Variants in ACO1 observed in about 807,000 individuals in gnomAD.
The protein encoded by ACO1 is aconitase 1.
ACO1 carries 78 observed loss-of-function variants against 105.1 expected under a neutral mutation model. That is an observed-to-expected ratio of 0.74 (90% CI 0.62 to 0.90). The LOEUF is 0.90. Ranked by LOEUF, ACO1 falls within the 40% of genes least tolerant of loss-of-function variation. The pLI, the probability that ACO1 is intolerant of heterozygous loss-of-function variation, is 0.00. For missense variants in ACO1, 965 were observed against 1,111.1 expected, an observed-to-expected ratio of 0.87 and a Z score of 1.87; for synonymous variants, 364 against 397.4, an observed-to-expected ratio of 0.92 and a Z score of 1.00.
chr9:32,388,807 C>T (rs1327100510), intron 1 of ACO1, among the ~76,000 whole-genome samples: 1 of 152,112 alleles, frequency 6.6e-6, no homozygotes, highest in Non-Finnish European at 1.5e-5. Context: ...GGAGGATAGC[C>T]TGTAGCATTC....
chr9:32,415,934 A>G (rs550205484), intron 4 of ACO1, among the ~76,000 whole-genome samples: 40 of 152,118 alleles, frequency 2.6e-4, no homozygotes, highest in African/African-American at 9.4e-4. Flanking sequence ...GGCCAAGCAT[A>G]TATGGGCATT....
intron 17 of ACO1, among the ~76,000 whole-genome samples, chr9:32,435,781 T>A (rs543277116): frequency 6.6e-6 from 1 of 152,352 alleles, no homozygotes; most frequent in East Asian, 1.9e-4. Context: ...TTCCTGATAA[T>A]TCAGGGACAA....
At chr9:32,449,108 C>A in intron 20 of ACO1, 27 bp downstream of exon 20, 1 of 1,561,868 alleles carries the variant, frequency 6.4e-7, no homozygotes, top group South Asian at 1.2e-5. Context: ...CTATGCCAGG[C>A]CCTGTCGAAA....
In ACO1 at chr9:32,390,188, A is replaced by T. The variant is rs184324014; in HGVS notation, c.-23+5453A>T. Among the ~76,000 whole-genome samples, 382 of 152,320 alleles carry T rather than the reference A, an allele frequency of 2.5e-3. 3 individuals are homozygous for T. Among genetic ancestry groups the T allele is most frequent in the African/African-American group, 8.7e-3 (363 of 41,576 alleles). ...GCAGCTGTATAAATTAACGAGAATC[A>T]CTTATTAGGTCTTTTAGGAATAAGC... On this transcript the variant is annotated intron_variant, in intron 1 of 20. Coordinates refer to ENST00000309951, the MANE Select transcript of ACO1 (RefSeq NM_002197.3).
intron 17 of ACO1, among the ~76,000 whole-genome samples, chr9:32,435,842 T>C (rs923455024): frequency 2.6e-5 from 4 of 152,176 alleles, no homozygotes; most frequent in Admixed American, 6.5e-5. Flanking sequence ...TGTTTCCCCC[T>C]GTTTGTGGCT....
At chr9:32,399,972 T>TTTTTTTTTTTTTTTTTTTTTTGTTTTTTG (rs1821458138) in intron 1 of ACO1, among the ~76,000 whole-genome samples, 1 of 125,082 alleles carries the variant, frequency 8.0e-6, no homozygotes, top group African/African-American at 3.2e-5. Context: ...TTCTGTTTTT[T>TTTTTTTTTTTTTTTTTTTTTTGTTTTTTG]TTTTTTTTTT....
chr9:32,399,973 T>G lies in ACO1; in HGVS notation c.-22-5512T>G, dbSNP rs191789085. ...TTATTTTTTTCTTTTTCTGTTTTTT[T>G]TTTTTTTTTTTTTTTGCGATGGAGT... On this transcript the variant is annotated intron_variant, in intron 1 of 20. Coordinates refer to ENST00000309951, the MANE Select transcript of ACO1 (RefSeq NM_002197.3). Among the ~76,000 whole-genome samples, 65 of 93,630 alleles carry G rather than the reference T, an allele frequency of 6.9e-4. 1 individual carries two copies. The highest frequency in any genetic ancestry group is 1.6e-3 in the African/African-American group (49 of 30,992). The allele number at this position is 93,630 out of a possible 152,430, so 61.4% of individuals were successfully genotyped here. A position where few individuals can be genotyped will look rare whatever the true frequency, so the allele number is the denominator to read the frequency against.
rs775128282 is a variant in ACO1, at chr9:32,448,969, C to T, written c.2444C>T (p.Pro815Leu). The T allele has an allele frequency of 4.3e-6, 7 of 1,614,098 alleles. No individual in the cohort carries two copies. In the East Asian group the frequency reaches 8.9e-5, roughly 21 times the overall value. The change falls in exon 20 of 21, where the codon CCA (proline) becomes CTA (leucine). Residue 815 changes from proline (P) to leucine (L), a missense_variant. Transcript: ENST00000309951. ...RSNLVGMGVIPLEYLPGENAD... is the reference protein window; with the variant it reads ...RSNLVGMGVILLEYLPGENAD... The stretch of plus-strand genomic sequence containing the variant: ...AACCTGGTTGGGATGGGTGTGATCC[C>T]ACTTGAATATCTCCCTGGTGAGAAT...
At position 32,420,910 on chromosome 9, in the gene ACO1, G is replaced by GT; in HGVS notation, c.854dup (p.Ala286SerfsTer7). ...ATTTGTCGAGTTCTTCGGGCCTGGA[G>GT]TAGCCCAGTTGTCCATTGCTGACCG... On this transcript the variant is annotated frameshift_variant, in exon 8 of 21. Coordinates refer to ENST00000309951, the MANE Select transcript of ACO1 (RefSeq NM_002197.3). LOFTEE classifies it high-confidence loss of function. 1 of 1,614,046 alleles carries GT rather than the reference G, an allele frequency of 6.2e-7. No individual in the cohort carries two copies. Among genetic ancestry groups the GT allele is most frequent in the Non-Finnish European group, 8.5e-7 (1 of 1,179,920 alleles).
chr9:32,433,221 G>A (rs1446969422), intron 15 of ACO1, among the ~76,000 whole-genome samples: 3 of 151,986 alleles, frequency 2.0e-5, no homozygotes, highest in Admixed American at 6.6e-5. Context: ...TGCCTATCAC[G>A]GTGCATATGT....
intron 4 of ACO1, among the ~76,000 whole-genome samples, chr9:32,415,890 C>A (rs983024437): frequency 1.3e-5 from 2 of 152,094 alleles, no homozygotes; most frequent in African/African-American, 4.8e-5. Flanking sequence ...AACACCCCAG[C>A]CTTTAAAAAT....
intron 1 of ACO1, among the ~76,000 whole-genome samples, 200 bp downstream of exon 1, chr9:32,384,935 A>G (rs375078450): frequency 3.2e-4 from 48 of 152,298 alleles, no homozygotes; most frequent in African/African-American, 1.0e-3. Context: ...TCCCCAGTCT[A>G]TGTCATGCCG....
intron 19 of ACO1, among the ~76,000 whole-genome samples, chr9:32,441,916 A>G (rs1281549821): frequency 6.6e-6 from 1 of 152,220 alleles, no homozygotes; most frequent in Non-Finnish European, 1.5e-5. Context: ...GAAGCAAAGC[A>G]GCATGGCCTT....
At position 32,440,448 on chromosome 9, in the gene ACO1, C is replaced by A; in HGVS notation, c.2248-17C>A. ...TGCCTCTCCTGCATCTGTAAAACTT[C>A]CTTTTCTCTTCCTCAGCTTGATGTG... On this transcript the variant is annotated splice_polypyrimidine_tract_variant and intron_variant, in intron 18 of 20. Transcript: ENST00000309951. 6.2e-7 allele frequency: 1 copy of A among 1,613,364 alleles called. No individual in the cohort carries two copies. The highest frequency in any genetic ancestry group is 8.5e-7 in the Non-Finnish European group (1 of 1,179,548).
chr9:32,443,235 G>A (rs1822521556), intron 19 of ACO1, among the ~76,000 whole-genome samples: 1 of 152,006 alleles, frequency 6.6e-6, no homozygotes, highest in Non-Finnish European at 1.5e-5. Flanking sequence ...CATCCTAGAT[G>A]TATTCAAGAT....
Position 32,423,317 on chromosome 9 carries a change from AG to A in ACO1, c.971del, listed in dbSNP as rs773749381. 6.4e-7 allele frequency: 1 copy of A among 1,567,178 alleles called. No individual in the cohort carries two copies. Reference sequence around the variant, plus strand: ...CTTGTTACTCCTTAAAATGCCTTTTAGGTCGTGATGAAGAAAAATTAAAGTA... The same window carrying A: ...CTTGTTACTCCTTAAAATGCCTTTTAGTCGTGATGAAGAAAAATTAAAGTA... On this transcript the variant is annotated splice_acceptor_variant, in intron 8 of 20. Transcript: ENST00000309951. LOFTEE classifies it high-confidence loss of function.
chr9:32,411,767 A>C (rs1252121801), intron 4 of ACO1, among the ~76,000 whole-genome samples: 1 of 152,246 alleles, frequency 6.6e-6, no homozygotes, highest in Non-Finnish European at 1.5e-5. Context: ...TGCTGATAGC[A>C]CTATAAATTA....
At chr9:32,436,512 C>A in intron 18 of ACO1, 115 bp downstream of exon 18, 1 of 1,200,268 alleles carries the variant, frequency 8.3e-7, no homozygotes, top group Non-Finnish European at 1.2e-6. Context: ...CTCCATCCTA[C>A]CCTAACTACA....
At chr9:32,448,059 A>G (rs1295981680) in intron 19 of ACO1, among the ~76,000 whole-genome samples, 1 of 152,162 alleles carries the variant, frequency 6.6e-6, no homozygotes, top group East Asian at 1.9e-4. Flanking sequence ...GCTTTATCAG[A>G]GCTCAAATGC....
Sources: gnomAD v4.1 joint callset for allele counts (sites outside exome capture counted in the v4.1 genomes callset) on GRCh38, gnomAD v4.1.1 for gene constraint, MANE v1.5 for transcripts, NCBI Gene and HGNC (gene_info 2026-07-23, HGNC 2026-07-21) for gene names.